ENTPD1: variants seen among roughly 807,000 people sequenced by gnomAD.
The protein encoded by ENTPD1 is ectonucleoside triphosphate diphosphohydrolase 1.
Under a neutral mutation model 57.0 loss-of-function variants are expected in ENTPD1, and 33 were observed. That is an observed-to-expected ratio of 0.58 (90% CI 0.44 to 0.77). The LOEUF is 0.77. ENTPD1 is among the 30% of genes least tolerant of loss of function. ENTPD1 has a pLI of 0.00. For missense variants in ENTPD1, 501 were observed against 603.4 expected, an observed-to-expected ratio of 0.83 and a Z score of 1.78; for synonymous variants, 202 against 218.8, an observed-to-expected ratio of 0.92 and a Z score of 0.68.
chr10:95,811,518 G>A (rs184469676), intron 1 of ENTPD1, among the ~76,000 whole-genome samples: 1 of 152,044 alleles, frequency 6.6e-6, no homozygotes, highest in East Asian at 1.9e-4. Flanking sequence ...CTCCTGAGTA[G>A]CTGGGACCAC....
chr10:95,712,615 A>T (rs1011247588), intron 1 of ENTPD1, among the ~76,000 whole-genome samples: 1 of 152,160 alleles, frequency 6.6e-6, no homozygotes, highest in African/African-American at 2.4e-5. Flanking sequence ...TTGCCTGGTT[A>T]GGCTGGGAAA....
chr10:95,860,726 G>C (rs1184177667), intron 8 of ENTPD1, 144 bp downstream of exon 8: 3 of 708,566 alleles, frequency 4.2e-6, no homozygotes, highest in Admixed American at 2.1e-5. Context: ...GTGGACTCAG[G>C]AATGAATTTA....
chr10:95,717,133 T>G (rs1168861774), intron 1 of ENTPD1, among the ~76,000 whole-genome samples: 2 of 152,218 alleles, frequency 1.3e-5, no homozygotes, highest in African/African-American at 4.8e-5. Context: ...AGTAATAAAG[T>G]CTTTTGTTTA....
At chr10:95,741,560 T>C (rs1223575858) in intron 1 of ENTPD1, among the ~76,000 whole-genome samples, 1 of 152,244 alleles carries the variant, frequency 6.6e-6, no homozygotes, top group African/African-American at 2.4e-5. Context: ...GCAGGGTCGC[T>C]ACAAACCTTC....
chr10:95,828,128 C>T (rs2098384148), intron 2 of ENTPD1, among the ~76,000 whole-genome samples: 2 of 152,204 alleles, frequency 1.3e-5, no homozygotes, highest in Admixed American at 1.3e-4. Flanking sequence ...GCGAGCAAAG[C>T]TTCATCTGTA....
chr10:95,833,599 GATC>G (rs1185810052), intron 2 of ENTPD1: 4 of 152,252 alleles, frequency 2.6e-5, no homozygotes, highest in Non-Finnish European at 5.9e-5. Flanking sequence ...AAAAGTTAAT[GATC>G]ATACTTGCCT....
At chr10:95,696,586 G>T in the ENTPD1 span, among the ~76,000 whole-genome samples, 1 of 152,236 alleles carries the variant, frequency 6.6e-6, no homozygotes, top group South Asian at 2.1e-4. Context: ...GGCATGTATT[G>T]CTGTTTTGTA....
chr10:95,705,277 A>ATGTGTG, the ENTPD1 span, among the ~76,000 whole-genome samples: 37,412 of 150,064 alleles, frequency 0.25, 4,839 homozygotes, highest in Middle Eastern at 0.36. Context: ...CCAGTAGAAA[A>ATGTGTG]TGTGTGTGTG....
At chr10:95,752,582 A>G (rs1404348913), upstream of ENTPD1, among the ~76,000 whole-genome samples, 1 of 152,180 alleles carries the variant, frequency 6.6e-6, no homozygotes. Context: ...ACTTGCACCC[A>G]GGAGGCAGGG....
At position 95,871,720 on chromosome 10, in the gene ENTPD1, C is replaced by T. The variant is rs1159923465; in HGVS notation, c.*5337C>T. On this transcript the variant is annotated 3_prime_UTR_variant, in exon 10 of 10. Coordinates refer to ENST00000371205, the MANE Select transcript of ENTPD1 (RefSeq NM_001776.6). ...AATTGACACTATAATCAACTGACAC[C>T]ATGATCAGTGATGATGATCACCCTC... 1 of 985,178 alleles carries T rather than the reference C, an allele frequency of 1.0e-6. No homozygotes were observed. The highest frequency in any genetic ancestry group is 1.2e-6 in the Non-Finnish European group (1 of 829,856). 61.0% of individuals were successfully genotyped at this position (985,178 alleles called of 1,614,324 possible).
At chr10:95,744,365 G>A (rs1228891779) in intron 1 of ENTPD1, among the ~76,000 whole-genome samples, 1 of 152,074 alleles carries the variant, frequency 6.6e-6, no homozygotes, top group African/African-American at 2.4e-5. Context: ...GCCGAGAGTG[G>A]GGACTCATGC....
rs11592937 is a variant in ENTPD1 at position 95,873,713 on chromosome 10, T to C, written c.*7330T>C. The C allele has an allele frequency of 0.1, 99,323 of 981,954 alleles. 5,172 individuals are homozygous for C. The highest frequency in any genetic ancestry group is 0.13 in the Middle Eastern group (255 of 1,908). 60.8% of individuals were successfully genotyped at this position (981,954 alleles called of 1,614,324 possible). On this transcript the variant is annotated 3_prime_UTR_variant, in exon 10 of 10. Coordinates refer to ENST00000371205, the MANE Select transcript of ENTPD1 (RefSeq NM_001776.6). ...TAAAAACTATGATTGTATTAGTTCG[T>C]TTCCATGCTGCTGATAAAGACATAT...
chr10:95,735,327 T>G (rs2097993471), intron 1 of ENTPD1, among the ~76,000 whole-genome samples: 1 of 152,150 alleles, frequency 6.6e-6, no homozygotes, highest in South Asian at 2.1e-4. Context: ...CAAAAATAGA[T>G]TTTTAGTGTT....
intron 2 of ENTPD1, among the ~76,000 whole-genome samples, chr10:95,836,759 C>T (rs2098410679): frequency 6.6e-6 from 1 of 152,188 alleles, no homozygotes. Context: ...CCCTGTAGGC[C>T]TCGTACTCTC....
At chr10:95,863,262 G>T (rs2098468446) in intron 8 of ENTPD1, among the ~76,000 whole-genome samples, 1 of 152,216 alleles carries the variant, frequency 6.6e-6, no homozygotes, top group Non-Finnish European at 1.5e-5. Flanking sequence ...CCCCCCACAA[G>T]GGATAGGCCA....
chr10:95,785,487 A>T (rs573462609), intron 1 of ENTPD1, among the ~76,000 whole-genome samples: 17 of 152,298 alleles, frequency 1.1e-4, no homozygotes, highest in African/African-American at 2.9e-4. Flanking sequence ...CAGTTGTTGG[A>T]ACAATCTGTT....
intron 1 of ENTPD1, 119 bp from the exon 2 acceptor site, chr10:95,823,118 T>A (rs1301047587): frequency 8.4e-7 from 1 of 1,183,854 alleles, no homozygotes; most frequent in Non-Finnish European, 1.2e-6. Flanking sequence ...TAAAAAAGAT[T>A]GGCTTTTAAT....
At chr10:95,771,451 T>C (rs538519330) in intron 1 of ENTPD1, among the ~76,000 whole-genome samples, 1 of 152,308 alleles carries the variant, frequency 6.6e-6, no homozygotes, top group East Asian at 1.9e-4. Context: ...AACATTGAAG[T>C]CCTGAGGTGG....
chr10:95,723,427 C>T (rs936180962), intron 1 of ENTPD1, among the ~76,000 whole-genome samples: 2 of 151,988 alleles, frequency 1.3e-5, no homozygotes, highest in Non-Finnish European at 2.9e-5. Flanking sequence ...AGCTGTATAC[C>T]TAAATTGGGA....
Sources: gnomAD v4.1 joint callset for allele counts (sites outside exome capture counted in the v4.1 genomes callset) on GRCh38, gnomAD v4.1.1 for gene constraint, MANE v1.5 for transcripts, NCBI Gene and HGNC (gene_info 2026-07-23, HGNC 2026-07-21) for gene names.